Variants in STK32B observed in about 807,000 individuals in gnomAD.
STK32B encodes the protein serine/threonine-protein kinase 32B.
A neutral mutation model predicts 52.6 loss-of-function variants in STK32B; 43 were observed. That is an observed-to-expected ratio of 0.82 (90% CI 0.64 to 1.05). STK32B has a LOEUF of 1.05. Among genes scored for constraint, STK32B ranks in the 50% least tolerant of loss-of-function variants. STK32B has a pLI of 0.00. For missense variants in STK32B, 621 were observed against 534.6 expected (o/e 1.16, Z -1.59); for synonymous variants, 238 against 204.3 (o/e 1.17, Z -1.41).
At chr4:5,080,988 A>G (rs1045574660) in intron 1 of STK32B, among the ~76,000 whole-genome samples, 3 of 152,008 alleles carry the variant, frequency 2.0e-5, no homozygotes, top group African/African-American at 4.8e-5. Context: ...CTACAATCCT[A>G]CTGTCTGTTT....
chr4:5,142,884 C>A (rs930052982), intron 2 of STK32B, among the ~76,000 whole-genome samples: 1 of 152,128 alleles, frequency 6.6e-6, no homozygotes, highest in Non-Finnish European at 1.5e-5. Context: ...GTGGATGGGC[C>A]TCATCCAACC....
chr4:5,248,458 A>G (rs182856821), intron 3 of STK32B, among the ~76,000 whole-genome samples: 3 of 152,312 alleles, frequency 2.0e-5, no homozygotes, highest in Admixed American at 1.3e-4. Context: ...ACGTATTTCC[A>G]TTTGATTTCT....
At chr4:5,186,933 G>A (rs974087310) in intron 3 of STK32B, among the ~76,000 whole-genome samples, 3 of 152,222 alleles carry the variant, frequency 2.0e-5, no homozygotes, top group Admixed American at 6.5e-5. Flanking sequence ...GCAGCTGTGA[G>A]TGTGGGTCAC....
At chr4:5,111,382 A>G (rs1392026670) in intron 1 of STK32B, among the ~76,000 whole-genome samples, 1 of 152,164 alleles carries the variant, frequency 6.6e-6, no homozygotes, top group East Asian at 1.9e-4. Context: ...TCAGCAGTTA[A>G]TCAGATAAAG....
At chr4:5,285,880 A>G (rs912798123) in intron 3 of STK32B, among the ~76,000 whole-genome samples, 8 of 152,286 alleles carry the variant, frequency 5.3e-5, no homozygotes, top group Middle Eastern at 3.4e-3. Flanking sequence ...CTAACCCCCT[A>G]TACCTCAGAA....
intron 1 of STK32B, among the ~76,000 whole-genome samples, chr4:5,122,195 TTCAC>T (rs1326315074): frequency 3.3e-5 from 5 of 152,262 alleles, no homozygotes; most frequent in African/African-American, 1.2e-4. Context: ...CACTCACTCA[TTCAC>T]TCATTCTTTT....
In STK32B at chr4:5,500,656, T is replaced by TTTTTA. The variant is rs1323655687; in HGVS notation, c.*1578_*1582dup. The stretch of plus-strand genomic sequence containing the variant: ...TTTTAATGTATGGTTAGGTTTTATA[T>TTTTTA]TTTTATTTTTTAAAAAAGAAATAGT... On this transcript the variant is annotated 3_prime_UTR_variant, in exon 12 of 12. Transcript: ENST00000282908. The TTTTTA allele has an allele frequency of 2.0e-5, 3 of 152,234 alleles. No individual in the cohort carries two copies. Among genetic ancestry groups the TTTTTA allele is most frequent in the Non-Finnish European group, 2.9e-5 (2 of 68,046 alleles). The allele number at this position is 152,234 out of a possible 1,614,324, so 9.4% of individuals were successfully genotyped here.
intron 3 of STK32B, among the ~76,000 whole-genome samples, chr4:5,185,207 A>C (rs1720655501): frequency 6.6e-6 from 1 of 152,202 alleles, no homozygotes; most frequent in Non-Finnish European, 1.5e-5. Context: ...TACTAGACTC[A>C]CTGTTAATCT....
chr4:5,496,441 G>T (rs187773729), intron 11 of STK32B, among the ~76,000 whole-genome samples: 1 of 152,194 alleles, frequency 6.6e-6, no homozygotes, highest in African/African-American at 2.4e-5. Context: ...GCGCAGTATT[G>T]GGGTGGGAGT....
At chr4:5,497,283 A>T (rs1489789340) in intron 11 of STK32B, among the ~76,000 whole-genome samples, 1 of 152,244 alleles carries the variant, frequency 6.6e-6, no homozygotes, top group Admixed American at 6.5e-5. Context: ...CACAAAAGCC[A>T]ATTAAACACA....
In STK32B at chr4:5,226,475, G is replaced by A. The variant is rs188768123; in HGVS notation, c.260+58025G>A. 2.2e-4 allele frequency among the ~76,000 whole-genome samples: 33 copies of A among 152,234 alleles called. No homozygotes were observed. The East Asian group carries it at 4.6e-3, about 21-fold the overall frequency. On this transcript the variant is annotated intron_variant, in intron 3 of 11. Coordinates refer to ENST00000282908, the MANE Select transcript of STK32B (RefSeq NM_018401.3). ...ATTCATAGGTTTTAAATTGCCCACC[G>A]TTCGGAAAAGCATGATGAAATCTCA...
At chr4:5,369,971 G>T (rs994949019) in intron 4 of STK32B, among the ~76,000 whole-genome samples, 1 of 151,786 alleles carries the variant, frequency 6.6e-6, no homozygotes, top group Non-Finnish European at 1.5e-5. Flanking sequence ...CGCCTCCTGG[G>T]TTCATGCCAT....
chr4:5,240,825 A>G (rs1301667257), intron 3 of STK32B, among the ~76,000 whole-genome samples: 1 of 152,024 alleles, frequency 6.6e-6, no homozygotes, highest in Non-Finnish European at 1.5e-5. Flanking sequence ...TTCTTCCCTG[A>G]TCTGCAAATT....
chr4:5,033,725 G>A, the STK32B span, among the ~76,000 whole-genome samples: 3 of 152,158 alleles, frequency 2.0e-5, no homozygotes, highest in Admixed American at 6.5e-5. Flanking sequence ...GTTTACAACC[G>A]CCCTGGGAGA....
At chr4:5,420,106 T>C (rs1712499640) in intron 6 of STK32B, among the ~76,000 whole-genome samples, 1 of 152,080 alleles carries the variant, frequency 6.6e-6, no homozygotes, top group South Asian at 2.1e-4. Flanking sequence ...AATGGAGGCT[T>C]AGGAGGTTGG....
intron 1 of STK32B, among the ~76,000 whole-genome samples, chr4:5,100,419 TG>T (rs201294127): frequency 0.014 from 2,066 of 143,276 alleles, 61 homozygotes; most frequent in African/African-American, 0.052. Context: ...CCTCCCTCCT[TG>T]CCTTCCTTCC....
chr4:5,387,870 G>T (rs1177089957), intron 4 of STK32B, among the ~76,000 whole-genome samples: 1 of 152,060 alleles, frequency 6.6e-6, no homozygotes, highest in Non-Finnish European at 1.5e-5. Flanking sequence ...TCAGCCTCCC[G>T]AGTAGCCAGG....
intron 5 of STK32B, among the ~76,000 whole-genome samples, chr4:5,415,496 G>A (rs1301004082): frequency 6.6e-6 from 1 of 152,178 alleles, no homozygotes; most frequent in Non-Finnish European, 1.5e-5. Flanking sequence ...CATACTCATC[G>A]CAGCCACAGG....
chr4:5,145,821 A>G (rs1043402348), intron 2 of STK32B, among the ~76,000 whole-genome samples: 1 of 152,190 alleles, frequency 6.6e-6, no homozygotes, highest in Non-Finnish European at 1.5e-5. Context: ...GTGTTTTGAT[A>G]CATGAAAGTT....
Sources: gnomAD v4.1 joint callset for allele counts (sites outside exome capture counted in the v4.1 genomes callset) on GRCh38, gnomAD v4.1.1 for gene constraint, MANE v1.5 for transcripts, NCBI Gene and HGNC (gene_info 2026-07-23, HGNC 2026-07-21) for gene names.